ERC1: variants seen among roughly 807,000 people sequenced by gnomAD.
ERC1 encodes the protein ELKS/RAB6-interacting/CAST family member 1, also known as RAB6 interacting protein 2.
ERC1 carries 56 observed loss-of-function variants against 132.0 expected under a neutral mutation model. The ratio of observed to expected loss-of-function variants is 0.42; its 90% CI spans 0.34 to 0.53. The LOEUF is 0.53. ERC1 is among the 20% of genes least tolerant of loss of function. ERC1 has a pLI of 0.03. For synonymous variants in ERC1, 478 were observed against 476.1 expected, an observed-to-expected ratio of 1.00 and a Z score of -0.05; for missense variants, 1,202 against 1,349.9, an observed-to-expected ratio of 0.89 and a Z score of 1.72.
chr12:1,351,910 AATATTTAAACAC>A (rs1345863638), intron 15 of ERC1, among the ~76,000 whole-genome samples: 1 of 152,058 alleles, frequency 6.6e-6, no homozygotes, highest in Non-Finnish European at 1.5e-5. Context: ...TTAATATTTG[AATATTTAAACAC>A]ATATTATTTA....
intron 15 of ERC1, among the ~76,000 whole-genome samples, chr12:1,325,140 C>A (rs1335389284): frequency 6.6e-6 from 1 of 152,090 alleles, no homozygotes; most frequent in Admixed American, 6.5e-5. Flanking sequence ...CTTCAGCTTC[C>A]CTTTTTCGGT....
intron 1 of ERC1, among the ~76,000 whole-genome samples, chr12:996,270 T>TA (rs1400361883): frequency 7.1e-6 from 1 of 141,652 alleles, no homozygotes; most frequent in African/African-American, 2.6e-5. Context: ...TTTTTTTTTT[T>TA]TTTTTGTATT....
intron 10 of ERC1, 62 bp downstream of exon 10, chr12:1,182,127 G>C: frequency 6.7e-7 from 1 of 1,501,086 alleles, no homozygotes; most frequent in Non-Finnish European, 9.0e-7. Context: ...CTGTATGTTG[G>C]TGTTTACATA....
chr12:1,355,832 T>G (rs2085466858), intron 15 of ERC1, among the ~76,000 whole-genome samples: 1 of 151,972 alleles, frequency 6.6e-6, no homozygotes, highest in African/African-American at 2.4e-5. Context: ...CATGATGAAG[T>G]TAATTCCGTC....
At chr12:1,303,005 A>G (rs187352831) in intron 15 of ERC1, among the ~76,000 whole-genome samples, 1 of 152,272 alleles carries the variant, frequency 6.6e-6, no homozygotes, top group East Asian at 1.9e-4. Context: ...AGTCTGTTAA[A>G]TGTGCAGTAG....
intron 18 of ERC1, among the ~76,000 whole-genome samples, chr12:1,447,531 G>A (rs2093332764): frequency 1.4e-5 from 2 of 142,998 alleles, no homozygotes; most frequent in South Asian, 4.5e-4. Flanking sequence ...CAAACAAACA[G>A]CAACAACAAC....
At chr12:1,158,441 T>A (rs537172416) in intron 8 of ERC1, among the ~76,000 whole-genome samples, 11 of 152,040 alleles carry the variant, frequency 7.2e-5, no homozygotes, top group South Asian at 2.1e-4. Context: ...TTATTTATTT[T>A]TTTTTTGAGA....
chr12:1,290,511 G>C (rs1319476814), intron 15 of ERC1, among the ~76,000 whole-genome samples: 3 of 152,152 alleles, frequency 2.0e-5, no homozygotes, highest in Non-Finnish European at 4.4e-5. Context: ...GCAGAGCTTT[G>C]CTATACACAT....
At chr12:1,374,147 T>C (rs1282650113) in intron 16 of ERC1, among the ~76,000 whole-genome samples, 1 of 152,232 alleles carries the variant, frequency 6.6e-6, no homozygotes, top group Non-Finnish European at 1.5e-5. Flanking sequence ...TGTTTTAATT[T>C]AAAGCTTCTA....
At chr12:1,095,907 T>C (rs764741617) in intron 3 of ERC1, among the ~76,000 whole-genome samples, 13 of 151,886 alleles carry the variant, frequency 8.6e-5, no homozygotes, top group Non-Finnish European at 1.8e-4. Flanking sequence ...TACACCCCAA[T>C]TCTTTATTGT....
chr12:1,166,808 A>T (rs58523736), intron 8 of ERC1, among the ~76,000 whole-genome samples: 2,399 of 152,274 alleles, frequency 0.016, 80 homozygotes, highest in African/African-American at 0.054. Context: ...CAGCATTATT[A>T]TGGAGACAAT....
intron 1 of ERC1, among the ~76,000 whole-genome samples, chr12:1,008,649 T>C (rs1238662092): frequency 6.6e-6 from 1 of 152,180 alleles, no homozygotes; most frequent in Non-Finnish European, 1.5e-5. Context: ...GAAATACTAA[T>C]TTTTTTGTTC....
chr12:1,119,731 G>C (rs1287417052), intron 7 of ERC1, among the ~76,000 whole-genome samples: 1 of 152,080 alleles, frequency 6.6e-6, no homozygotes, highest in East Asian at 1.9e-4. Flanking sequence ...TGTATTTTTA[G>C]TAGAGATGGG....
chr12:1,043,125 C>T (rs1031837604), intron 2 of ERC1, among the ~76,000 whole-genome samples: 8 of 150,984 alleles, frequency 5.3e-5, no homozygotes, highest in African/African-American at 2.0e-4. Flanking sequence ...CTGATTGCAA[C>T]CTTTGCCTCC....
intron 18 of ERC1, among the ~76,000 whole-genome samples, chr12:1,471,105 G>C (rs1057101071): frequency 2.6e-5 from 4 of 152,248 alleles, no homozygotes; most frequent in African/African-American, 9.6e-5. Flanking sequence ...TTCCCAGCTT[G>C]TTCAGAAAAG....
chr12:1,045,486 G>A (rs902771846), intron 2 of ERC1, among the ~76,000 whole-genome samples: 1 of 152,030 alleles, frequency 6.6e-6, no homozygotes, highest in African/African-American at 2.4e-5. Context: ...ATAGATGCTA[G>A]TAATTATTAT....
At chr12:1,306,398 G>T (rs569123910) in intron 15 of ERC1, among the ~76,000 whole-genome samples, 1 of 152,310 alleles carries the variant, frequency 6.6e-6, no homozygotes, top group East Asian at 1.9e-4. Context: ...AGTAAACCAC[G>T]TTCAGTTGCT....
intron 17 of ERC1, among the ~76,000 whole-genome samples, chr12:1,434,188 C>T (rs1485604510): frequency 1.3e-5 from 2 of 152,252 alleles, no homozygotes; most frequent in African/African-American, 4.8e-5. Context: ...ATTAGATTCT[C>T]TGATTATATC....
intron 15 of ERC1, among the ~76,000 whole-genome samples, chr12:1,292,247 T>C (rs958203152): frequency 6.6e-6 from 1 of 152,080 alleles, no homozygotes; most frequent in Non-Finnish European, 1.5e-5. Flanking sequence ...TGACAACTGG[T>C]TTGTTCAGGG....
Sources: allele counts gnomAD v4.1 joint callset (sites outside exome capture counted in the v4.1 genomes callset), GRCh38; gene constraint gnomAD v4.1.1; transcripts MANE v1.5; gene names NCBI Gene and HGNC (gene_info 2026-07-23, HGNC 2026-07-21).